Variants in MEI4 observed in about 807,000 individuals in gnomAD.
MEI4 encodes the protein meiotic double-stranded break formation protein 4.
In MEI4, 27 loss-of-function variants were observed where a neutral mutation model predicts 31.4. The observed-to-expected ratio is 0.86, with a 90% CI of 0.63 to 1.19. The LOEUF (loss-of-function observed/expected upper bound fraction) is 1.19, where lower values mean the gene tolerates loss of function less well. Among genes scored for constraint, MEI4 ranks in the 50% most tolerant of loss-of-function variants. The pLI is 0.00. For missense variants in MEI4, 329 were observed against 398.9 expected (o/e 0.82, Z 1.49); for synonymous variants, 122 against 145.4 (o/e 0.84, Z 1.16).
intron 4 of MEI4, among the ~76,000 whole-genome samples, chr6:77,866,341 A>C (rs891526420): frequency 1.3e-5 from 2 of 152,302 alleles, no homozygotes; most frequent in South Asian, 4.1e-4. Flanking sequence ...CCATTGTCTC[A>C]GCCCAAAATC....
intron 3 of MEI4, among the ~76,000 whole-genome samples, chr6:77,805,000 A>G (rs1582167176): frequency 6.6e-6 from 1 of 152,192 alleles, no homozygotes; most frequent in Admixed American, 6.5e-5. Context: ...TGCCATTTTA[A>G]CTATAAAACA....
intron 4 of MEI4, among the ~76,000 whole-genome samples, chr6:77,917,294 G>A (rs1766583163): frequency 6.7e-6 from 1 of 150,148 alleles, no homozygotes; most frequent in Admixed American, 6.6e-5. Flanking sequence ...CCAGTAATGG[G>A]ATGGCTGGGT....
intron 3 of MEI4, among the ~76,000 whole-genome samples, chr6:77,802,101 G>A (rs1368610753): frequency 6.6e-6 from 1 of 152,156 alleles, no homozygotes; most frequent in Non-Finnish European, 1.5e-5. Context: ...TTGTATGGGA[G>A]TCTAAGTCTC....
intron 3 of MEI4, among the ~76,000 whole-genome samples, chr6:77,764,404 T>A (rs1334188807): frequency 6.6e-6 from 1 of 152,186 alleles, no homozygotes; most frequent in Non-Finnish European, 1.5e-5. Context: ...AGCAAACTCT[T>A]ATTTTTTTTA....
rs1771669596 is a variant in MEI4 at position 77,888,183 on chromosome 6, A to G, written c.901-34906A>G. 3.3e-5 allele frequency among the ~76,000 whole-genome samples: 5 copies of G among 152,118 alleles called. 1 individual carries two copies. In the South Asian group the frequency reaches 1.0e-3, roughly 31 times the overall value. On this transcript the variant is annotated intron_variant, in intron 4 of 4. Transcript: ENST00000684080. The stretch of plus-strand genomic sequence containing the variant: ...GAAGTGAACTTTTTGTATGCAGCCT[A>G]TAGTTTGGTCATTTTTTAAAATCAA...
At position 77,925,825 on chromosome 6, in the gene MEI4, TAATAA is replaced by T. The variant is rs1766829992; in HGVS notation, c.*2484_*2488del. On this transcript the variant is annotated 3_prime_UTR_variant, in exon 5 of 5. Transcript: ENST00000684080. ...ATTAAATATTTTATATACATTTATA[TAATAA>T]AATATATGAATAAGTAATATTATAC... The T allele has an allele frequency of 6.7e-6, 1 of 148,396 alleles. No homozygotes were observed. Among genetic ancestry groups the T allele is most frequent in the African/African-American group, 2.4e-5 (1 of 40,860 alleles). The allele number at this position is 148,396 out of a possible 1,614,324, so 9.2% of individuals were successfully genotyped here.
intron 4 of MEI4, among the ~76,000 whole-genome samples, chr6:77,864,885 C>G (rs941838678): frequency 1.3e-5 from 2 of 152,212 alleles, no homozygotes; most frequent in African/African-American, 4.8e-5. Context: ...AACTGTCTCT[C>G]AGACCACAGT....
At chr6:77,841,496 C>G (rs879793817) in intron 4 of MEI4, among the ~76,000 whole-genome samples, 2 of 150,808 alleles carry the variant, frequency 1.3e-5, no homozygotes, top group Non-Finnish European at 3.0e-5. Context: ...TGTGCCACTA[C>G]TCGTGGCTAA....
intron 3 of MEI4, among the ~76,000 whole-genome samples, chr6:77,788,621 AG>A (rs1246058122): frequency 6.6e-6 from 1 of 152,136 alleles, no homozygotes; most frequent in Non-Finnish European, 1.5e-5. Flanking sequence ...AGACAAACAG[AG>A]AGCCGAATCA....
chr6:77,665,379 G>C (rs1768609277), intron 1 of MEI4, among the ~76,000 whole-genome samples: 1 of 152,012 alleles, frequency 6.6e-6, no homozygotes, highest in Non-Finnish European at 1.5e-5. Context: ...TGCCGCTAAG[G>C]GTGAAGGAGA....
At chr6:77,834,258 G>C (rs914694985) in intron 4 of MEI4, among the ~76,000 whole-genome samples, 3 of 151,624 alleles carry the variant, frequency 2.0e-5, no homozygotes, top group Admixed American at 6.6e-5. Context: ...AGATATTTTA[G>C]TTGTTGACAT....
chr6:77,798,847 A>G (rs1333124684), intron 3 of MEI4, among the ~76,000 whole-genome samples: 1 of 151,894 alleles, frequency 6.6e-6, no homozygotes, highest in African/African-American at 2.4e-5. Context: ...GCTGCGTAGT[A>G]TTCCATGGTG....
Position 77,784,322 on chromosome 6 carries a change from C to A in MEI4, c.768+22657C>A, listed in dbSNP as rs117110256. On this transcript the variant is annotated intron_variant, in intron 3 of 4. Coordinates refer to ENST00000684080, the MANE Select transcript of MEI4 (RefSeq NM_001322247.2). The stretch of plus-strand genomic sequence containing the variant: ...TTAAGATGCTGTAGTGATCACCGGT[C>A]TCTCAATATGATGCTATGTATTTTC... Among the ~76,000 whole-genome samples, 1,517 of 152,234 alleles carry A rather than the reference C, an allele frequency of 1.0e-2. 17 individuals carry two copies. The highest frequency in any genetic ancestry group is 0.017 in the Non-Finnish European group (1,136 of 68,016).
rs868287787 is a variant in MEI4, at chr6:77,915,615, G to T, written c.901-7474G>T. ...ATATAAGTATTACTACATGTATCTGGGTGATCTAGTGTTGGGTGCATATGT... is the reference window on the plus strand; with the variant it reads ...ATATAAGTATTACTACATGTATCTGTGTGATCTAGTGTTGGGTGCATATGT... On this transcript the variant is annotated intron_variant, in intron 4 of 4. Coordinates refer to ENST00000684080, the MANE Select transcript of MEI4 (RefSeq NM_001322247.2). 9.9e-5 allele frequency among the ~76,000 whole-genome samples: 15 copies of T among 151,776 alleles called. No individual in the cohort carries two copies. In the Middle Eastern group the frequency reaches 0.01, roughly 103 times the overall value.
chr6:77,920,661 A>G (rs1334284154), intron 4 of MEI4, among the ~76,000 whole-genome samples: 1 of 151,948 alleles, frequency 6.6e-6, no homozygotes, highest in Non-Finnish European at 1.5e-5. Context: ...CATGTTAGCT[A>G]TAGCCTTATA....
chr6:77,655,133 C>T (rs887111066), intron 1 of MEI4, among the ~76,000 whole-genome samples: 4 of 152,114 alleles, frequency 2.6e-5, no homozygotes, highest in South Asian at 4.1e-4. Context: ...TCAACTCCCA[C>T]TTATGACTGA....
Position 77,908,435 on chromosome 6 carries a change from G to C in MEI4, c.901-14654G>C, listed in dbSNP as rs932703531. ...TTTCCCCATTTCTTGTTTTTGTCAGGTTTTTAAAGATCAGTTGGTTGTAGA... is the reference window on the plus strand; with the variant it reads ...TTTCCCCATTTCTTGTTTTTGTCAGCTTTTTAAAGATCAGTTGGTTGTAGA... On this transcript the variant is annotated intron_variant, in intron 4 of 4. Coordinates refer to ENST00000684080, the MANE Select transcript of MEI4 (RefSeq NM_001322247.2). 2.0e-5 allele frequency among the ~76,000 whole-genome samples: 3 copies of C among 152,056 alleles called. No individual in the cohort carries two copies. In the South Asian group the frequency reaches 6.2e-4, roughly 32 times the overall value.
chr6:77,761,052 GA>G, intron 2 of MEI4, 77 bp from the exon 3 acceptor site: 2 of 958,744 alleles, frequency 2.1e-6, no homozygotes, highest in South Asian at 5.5e-5. Flanking sequence ...CTTATTTTAA[GA>G]TAAGTATCAA....
intron 4 of MEI4, among the ~76,000 whole-genome samples, chr6:77,917,283 C>T (rs1161552670): frequency 2.0e-5 from 3 of 150,464 alleles, no homozygotes; most frequent in Non-Finnish European, 3.0e-5. Flanking sequence ...TGGGTATATA[C>T]CCAGTAATGG....
Sources: allele counts gnomAD v4.1 joint callset (sites outside exome capture counted in the v4.1 genomes callset), GRCh38; gene constraint gnomAD v4.1.1; transcripts MANE v1.5; gene names NCBI Gene and HGNC (gene_info 2026-07-23, HGNC 2026-07-21).